The following DNAH14 variants were observed in gnomAD, a reference collection of about 807,000 sequenced individuals.
DNAH14 encodes dynein axonemal heavy chain 14, also known as axonemal beta dynein heavy chain 14.
Under a neutral mutation model 520.9 loss-of-function variants are expected in DNAH14, and 478 were observed. That is an observed-to-expected ratio of 0.92 (90% CI 0.85 to 0.99). DNAH14 has a LOEUF of 0.99. Ranked by LOEUF, DNAH14 falls within the 50% of genes least tolerant of loss-of-function variation. The pLI is 0.00. For synonymous variants in DNAH14, 1,581 were observed against 1,757.2 expected (o/e 0.90, Z 2.51); for missense variants, 4,831 against 5,234.5 (o/e 0.92, Z 2.38).
chr1:224,948,350 T>C (rs2059974832), intron 1 of DNAH14, among the ~76,000 whole-genome samples: 1 of 151,704 alleles, frequency 6.6e-6, no homozygotes, highest in South Asian at 2.1e-4. Context: ...TAGTGACTCT[T>C]TCTGCTTGAG....
intron 10 of DNAH14, among the ~76,000 whole-genome samples, chr1:225,021,513 G>A (rs1163462394): frequency 6.6e-6 from 1 of 151,992 alleles, no homozygotes; most frequent in African/African-American, 2.4e-5. Context: ...CAAACTGAGA[G>A]CCAAATCAAT....
chr1:225,162,256 G>A (rs1234264913), intron 35 of DNAH14, among the ~76,000 whole-genome samples: 1 of 152,112 alleles, frequency 6.6e-6, no homozygotes, highest in Non-Finnish European at 1.5e-5. Context: ...ACCATTTATT[G>A]AAGTACGTTC....
chr1:225,056,541 C>G (rs146406213), intron 17 of DNAH14, among the ~76,000 whole-genome samples: 8,755 of 152,168 alleles, frequency 0.058, 341 homozygotes, highest in Non-Finnish European at 0.078. Flanking sequence ...TTAATTAGAT[C>G]CCATTTGTCA....
chr1:225,346,595 T>G lies in DNAH14; in HGVS notation c.11237T>G (p.Phe3746Cys), dbSNP rs1397098405. ...CTACCAGAAGAAGAATGGAACATCT[T>G]TTTATATTCTGGCATATTGATAAAT... ...GFLPEEEWNI[F>C]LYSGILINIK... Residue 3746 changes from phenylalanine (F) to cysteine (C), a missense_variant, in exon 71 of 86, where the codon TTT (phenylalanine) becomes TGT (cysteine). Physicochemically the swap from Phe to Cys is radical, Grantham distance 205. Coordinates refer to ENST00000682510, the MANE Select transcript of DNAH14 (RefSeq NM_001367479.1). 6.4e-7 allele frequency: 1 copy of G among 1,550,524 alleles called. No homozygotes were observed. The highest frequency in any genetic ancestry group is 8.7e-7 in the Non-Finnish European group (1 of 1,146,290).
In DNAH14 at chr1:225,300,874, A is replaced by G. The variant is rs1244663495; in HGVS notation, c.8475A>G (p.Ser2825=). Residue 2825 remains serine (S), a synonymous_variant, in exon 56 of 86, where the codon TCA becomes TCG. Coordinates refer to ENST00000682510, the MANE Select transcript of DNAH14 (RefSeq NM_001367479.1). The part of the protein sequence containing the change: ...MVPNLNIEQD[S]FLEDLNYIIS... Reference sequence around the variant, plus strand: ...AAATATGTGTTTTGCCTAAGGACTCATTTTTAGAAGATTTGAACTACATCA... The same window carrying G: ...AAATATGTGTTTTGCCTAAGGACTCGTTTTTAGAAGATTTGAACTACATCA... 4 of 1,550,994 alleles carry G rather than the reference A, an allele frequency of 2.6e-6. No individual in the cohort carries two copies. The highest frequency in any genetic ancestry group is 3.9e-5 in the Admixed American group (2 of 50,940).
chr1:225,318,094 G>A (rs1261874416), intron 60 of DNAH14, among the ~76,000 whole-genome samples: 2 of 152,090 alleles, frequency 1.3e-5, no homozygotes, highest in African/African-American at 4.8e-5. Context: ...CAAACAATGG[G>A]GCAAAATGCA....
rs1558430006 is a variant in DNAH14 at position 225,335,473 on chromosome 1, G to A, written c.10081-1793G>A. Among the ~76,000 whole-genome samples, 15 of 93,602 alleles carry A rather than the reference G, an allele frequency of 1.6e-4. 1 individual carries two copies. The highest frequency in any genetic ancestry group is 5.4e-4 in the African/African-American group (13 of 24,156). The allele number at this position is 93,602 out of a possible 152,430, so 61.4% of individuals were successfully genotyped here. A position where few individuals can be genotyped will look rare whatever the true frequency, so the allele number is the denominator to read the frequency against. On this transcript the variant is annotated intron_variant, in intron 66 of 85. Coordinates refer to ENST00000682510, the MANE Select transcript of DNAH14 (RefSeq NM_001367479.1). ...CACATATGCACGTGTGTACATGTGT[G>A]TGTATGCACATATACACGTGTGTAC...
intron 8 of DNAH14, among the ~76,000 whole-genome samples, chr1:224,975,461 G>A (rs1317949390): frequency 1.3e-5 from 2 of 152,078 alleles, no homozygotes; most frequent in Non-Finnish European, 2.9e-5. Flanking sequence ...TTGGGAGTGT[G>A]TATGTGTCGA....
intron 53 of DNAH14, among the ~76,000 whole-genome samples, chr1:225,276,475 C>G (rs1191206371): frequency 6.6e-6 from 1 of 152,180 alleles, no homozygotes; most frequent in African/African-American, 2.4e-5. Flanking sequence ...TGGCTCTTTA[C>G]ATCTTTCCCA....
intron 73 of DNAH14, among the ~76,000 whole-genome samples, chr1:225,358,155 T>C (rs932811954): frequency 1.3e-5 from 2 of 152,210 alleles, no homozygotes; most frequent in Non-Finnish European, 1.5e-5. Flanking sequence ...TCTAGACATG[T>C]ATAGCAGAGC....
chr1:225,117,548 T>C (rs780369620), intron 23 of DNAH14, 136 bp from the exon 24 acceptor site: 12 of 524,298 alleles, frequency 2.3e-5, no homozygotes, highest in Middle Eastern at 4.9e-4. Flanking sequence ...CATGGAATGT[T>C]ATTTTAACTG....
chr1:225,046,546 G>T (rs12061172), intron 15 of DNAH14, among the ~76,000 whole-genome samples: 7,280 of 152,210 alleles, frequency 0.048, 507 homozygotes, highest in African/African-American at 0.15. Flanking sequence ...CTAGCATCAT[G>T]AATTGAATAA....
At chr1:225,133,308 A>G (rs1209348443) in intron 27 of DNAH14, among the ~76,000 whole-genome samples, 2 of 152,110 alleles carry the variant, frequency 1.3e-5, no homozygotes, top group African/African-American at 2.4e-5. Flanking sequence ...GCCCATGCCT[A>G]TATCCTGACT....
chr1:224,954,334 A>G (rs1247791618), intron 2 of DNAH14: 2 of 152,138 alleles, frequency 1.3e-5, no homozygotes, highest in Non-Finnish European at 2.9e-5. Flanking sequence ...TAATATACCA[A>G]TAAAGTGCTT....
Position 225,367,796 on chromosome 1 carries a change from G to C in DNAH14, c.12091-9G>C, listed in dbSNP as rs1349225751. On this transcript the variant is annotated splice_polypyrimidine_tract_variant and intron_variant, in intron 76 of 85. Coordinates refer to ENST00000682510, the MANE Select transcript of DNAH14 (RefSeq NM_001367479.1). ...CTCACATGCCATTTTACTCACATCT[G>C]TTTTCAAGATTGCCGTGGAATCTCC... 6 of 1,546,658 alleles carry C rather than the reference G, an allele frequency of 3.9e-6. No individual in the cohort carries two copies. The highest frequency in any genetic ancestry group is 3.9e-5 in the Admixed American group (2 of 50,894).
Position 225,207,017 on chromosome 1 carries a change from A to C in DNAH14, c.6236A>C (p.Lys2079Thr). Residue 2079 changes from lysine (K) to threonine (T), a missense_variant, in exon 41 of 86, where the codon AAA becomes ACA. Lys to Thr is a moderately conservative substitution (Grantham distance 78). Transcript: ENST00000682510. ...CCTTATGTTAAGTCATGGCTTCTGA[A>C]AACTTCTAAAATTATAAGTCAATCA... is the stretch of plus-strand genomic sequence containing the variant. ...WEPYVKSWLL[K>T]TSKIISQSGV... 1 of 1,544,740 alleles carries C rather than the reference A, an allele frequency of 6.5e-7. No homozygotes were observed. The highest frequency in any genetic ancestry group is 8.7e-7 in the Non-Finnish European group (1 of 1,144,008).
chr1:225,339,141 C>CAA (rs5781399), intron 68 of DNAH14, among the ~76,000 whole-genome samples: 33 of 131,464 alleles, frequency 2.5e-4, no homozygotes, highest in African/African-American at 1.0e-3. Flanking sequence ...CAATGAAATA[C>CAA]AAAAAAAAAA....
In DNAH14 at chr1:225,377,287, T is replaced by C. The variant is rs1230339493; in HGVS notation, c.12567T>C (p.Ile4189=). The change falls in exon 79 of 86, where the codon ATT becomes ATC. Residue 4189 remains isoleucine, a synonymous_variant. Transcript: ENST00000682510. ...CAAGCATAAAGGACTACATACACATTATCCAGTCCTTACCTGATGATGACC... is the reference window on the plus strand; with the variant it reads ...CAAGCATAAAGGACTACATACACATCATCCAGTCCTTACCTGATGATGACC... ...GSASIKDYIH[I]IQSLPDDDLP... 6.5e-7 allele frequency: 1 copy of C among 1,533,468 alleles called. No individual in the cohort carries two copies. The highest frequency in any genetic ancestry group is 8.8e-7 in the Non-Finnish European group (1 of 1,138,960). The allele number at this position is 1,533,468 out of a possible 1,614,324, so 95.0% of individuals were successfully genotyped here. A position where few individuals can be genotyped will look rare whatever the true frequency, so the allele number is the denominator to read the frequency against.
rs1383225249 is a variant in DNAH14, at chr1:225,230,649, G to T, written c.6440-424G>T. On this transcript the variant is annotated intron_variant, in intron 41 of 85. Transcript: ENST00000682510. ...CCTAACATGCCCCAGCTGAATGTTT[G>T]TTTTAATAAATTTGTTACTTGAAAG... Among the ~76,000 whole-genome samples the T allele has an allele frequency of 2.6e-5, 4 of 151,986 alleles. No individual in the cohort carries two copies. In the East Asian group the frequency reaches 7.7e-4, roughly 29 times the overall value.
Sources: gnomAD v4.1 joint callset for allele counts (sites outside exome capture counted in the v4.1 genomes callset) on GRCh38, gnomAD v4.1.1 for gene constraint, MANE v1.5 for transcripts, NCBI Gene and HGNC (gene_info 2026-07-23, HGNC 2026-07-21) for gene names.